The following ZNF385B variants were observed in gnomAD, a reference collection of about 807,000 sequenced individuals.
The protein encoded by ZNF385B is zinc finger protein 533.
Under a neutral mutation model 39.2 loss-of-function variants are expected in ZNF385B, and 23 were observed. That is an observed-to-expected ratio of 0.59 (90% confidence interval 0.42 to 0.83). ZNF385B has a LOEUF of 0.83. ZNF385B is among the 40% of genes least tolerant of loss of function. The pLI is 0.00. For synonymous variants in ZNF385B, 205 were observed against 222.6 expected, an observed-to-expected ratio of 0.92 and a Z score of 0.70; for missense variants, 552 against 598.9, an observed-to-expected ratio of 0.92 and a Z score of 0.82.
intron 6 of ZNF385B, among the ~76,000 whole-genome samples, chr2:179,482,392 A>C (rs1670755855): frequency 6.6e-6 from 1 of 152,230 alleles, no homozygotes; most frequent in South Asian, 2.1e-4. Context: ...CCTTTAACAG[A>C]CACTGTTCCT....
chr2:179,762,699 A>G (rs1703473718), intron 3 of ZNF385B, among the ~76,000 whole-genome samples: 1 of 152,248 alleles, frequency 6.6e-6, no homozygotes, highest in South Asian at 2.1e-4. Context: ...GGATAATACT[A>G]GCCTCATAAA....
Position 179,616,832 on chromosome 2 carries a change from A to G in ZNF385B, c.299-71863T>C, listed in dbSNP as rs952025217. ...TGCCTTAGCCTCCCAAAATGCTGGG[A>G]TTATAGGCGTGAGCCACCGCACCTG... On this transcript the variant is annotated intron_variant, in intron 3 of 9. Transcript: ENST00000410066. Among the ~76,000 whole-genome samples the G allele has an allele frequency of 2.4e-4, 37 of 152,202 alleles. No individual in the cohort carries two copies. The Middle Eastern group carries it at 0.017, about 70-fold the overall frequency.
chr2:179,702,453 T>C (rs1333470746), intron 3 of ZNF385B, among the ~76,000 whole-genome samples: 1 of 152,238 alleles, frequency 6.6e-6, no homozygotes, highest in Non-Finnish European at 1.5e-5. Flanking sequence ...TAAATTCATT[T>C]AGAGTCATCT....
intron 3 of ZNF385B, among the ~76,000 whole-genome samples, chr2:179,628,048 C>A (rs1194006320): frequency 6.6e-6 from 1 of 152,030 alleles, no homozygotes; most frequent in South Asian, 2.1e-4. Flanking sequence ...TTTTCCTTCT[C>A]CCCAGCTGGA....
At chr2:179,767,392 G>A (rs1703764968) in intron 3 of ZNF385B, among the ~76,000 whole-genome samples, 1 of 152,118 alleles carries the variant, frequency 6.6e-6, no homozygotes, top group Non-Finnish European at 1.5e-5. Flanking sequence ...CAGGGGGAGG[G>A]TAGAAGCTCA....
intron 3 of ZNF385B, among the ~76,000 whole-genome samples, chr2:179,559,125 G>A (rs1047699147): frequency 1.3e-5 from 2 of 152,086 alleles, no homozygotes; most frequent in Non-Finnish European, 2.9e-5. Context: ...CCTCCCTTTC[G>A]CCTCTTCACT....
At chr2:179,574,774 A>C (rs1457125456) in intron 3 of ZNF385B, among the ~76,000 whole-genome samples, 2 of 152,172 alleles carry the variant, frequency 1.3e-5, no homozygotes, top group Non-Finnish European at 2.9e-5. Context: ...TTCTCTTAAG[A>C]TTCTGAAGAG....
At chr2:179,725,870 T>C (rs1700976457) in intron 3 of ZNF385B, among the ~76,000 whole-genome samples, 2 of 149,220 alleles carry the variant, frequency 1.3e-5, no homozygotes, top group South Asian at 2.1e-4. Flanking sequence ...ATCTCATATA[T>C]ACATACATGA....
intron 5 of ZNF385B, among the ~76,000 whole-genome samples, chr2:179,493,672 T>C (rs1457768727): frequency 7.0e-6 from 1 of 143,818 alleles, no homozygotes; most frequent in Non-Finnish European, 1.5e-5. Context: ...TATATGCATA[T>C]GCATATACAT....
At position 179,772,663 on chromosome 2, in the gene ZNF385B, G is replaced by T. The variant is rs547411459; in HGVS notation, c.-154-1991C>A. On this transcript the variant is annotated intron_variant, in intron 1 of 9. Coordinates refer to ENST00000410066, the MANE Select transcript of ZNF385B (RefSeq NM_152520.6). Reference sequence around the variant, plus strand: ...GAATGTGATAACATTTATAATGTCAGCTTTCTTGCTAAGGGGAAACTAACA... The same window carrying T: ...GAATGTGATAACATTTATAATGTCATCTTTCTTGCTAAGGGGAAACTAACA... Among the ~76,000 whole-genome samples, 5 of 152,300 alleles carry T rather than the reference G, an allele frequency of 3.3e-5. 1 individual carries two copies. The highest frequency in any genetic ancestry group is 9.6e-5 in the African/African-American group (4 of 41,562).
At chr2:179,606,316 T>C (rs1249604294) in intron 3 of ZNF385B, among the ~76,000 whole-genome samples, 1 of 152,150 alleles carries the variant, frequency 6.6e-6, no homozygotes, top group East Asian at 1.9e-4. Context: ...CGTGCCGACA[T>C]TTCTAAAGGC....
chr2:179,562,996 CT>C (rs145327716), intron 3 of ZNF385B, among the ~76,000 whole-genome samples: 25,532 of 151,984 alleles, frequency 0.17, 2,256 homozygotes, highest in African/African-American at 0.22. Flanking sequence ...TCTATTAGGC[CT>C]GAAGAATTTG....
chr2:179,657,085 A>G (rs1427192477), intron 3 of ZNF385B, among the ~76,000 whole-genome samples: 2 of 152,110 alleles, frequency 1.3e-5, no homozygotes, highest in African/African-American at 4.8e-5. Context: ...ATGGGAGGTC[A>G]CTCTGTATTG....
intron 1 of ZNF385B, among the ~76,000 whole-genome samples, chr2:179,860,033 C>G (rs1339686145): frequency 3.9e-5 from 6 of 152,166 alleles, no homozygotes. Flanking sequence ...GTGGACGCTG[C>G]CAGTTTCCAC....
At chr2:179,624,408 T>C (rs1198021779) in intron 3 of ZNF385B, among the ~76,000 whole-genome samples, 3 of 152,288 alleles carry the variant, frequency 2.0e-5, no homozygotes, top group Non-Finnish European at 2.9e-5. Context: ...ATTTCACAAA[T>C]ACCTAACCAT....
intron 3 of ZNF385B, chr2:179,576,061 A>C: frequency 4.7e-6 from 4 of 852,820 alleles, no homozygotes; most frequent in Non-Finnish European, 5.6e-6. Flanking sequence ...CTGGCACAAC[A>C]CTTGCCCCGT....
rs564573092 is a variant in ZNF385B, at chr2:179,617,873, A to G, written c.299-72904T>C. On this transcript the variant is annotated intron_variant, in intron 3 of 9. Transcript: ENST00000410066. ...CCCTTCTAGAGAGAACTACTCTTAA[A>G]GAATGTACCCATAAGAATCTTGAGA... 1.2e-4 allele frequency among the ~76,000 whole-genome samples: 19 copies of G among 152,322 alleles called. No homozygotes were observed. In the South Asian group the frequency reaches 3.9e-3, roughly 32 times the overall value.
chr2:179,537,612 G>C (rs1234842765), intron 4 of ZNF385B, among the ~76,000 whole-genome samples: 1 of 151,896 alleles, frequency 6.6e-6, no homozygotes, highest in Non-Finnish European at 1.5e-5. Flanking sequence ...GTGGTGGCGT[G>C]CATCTGTAGT....
At chr2:179,829,792 C>T (rs1462000076) in intron 1 of ZNF385B, among the ~76,000 whole-genome samples, 2 of 152,162 alleles carry the variant, frequency 1.3e-5, no homozygotes, top group Non-Finnish European at 2.9e-5. Flanking sequence ...GGATTACAGG[C>T]GTGACCCACC....
Sources: gnomAD v4.1 joint callset for allele counts (sites outside exome capture counted in the v4.1 genomes callset) on GRCh38, gnomAD v4.1.1 for gene constraint, MANE v1.5 for transcripts, NCBI Gene and HGNC (gene_info 2026-07-23, HGNC 2026-07-21) for gene names.